SDK1: variants seen among roughly 807,000 people sequenced by gnomAD.
SDK1 encodes protein sidekick-1.
A neutral mutation model predicts 245.5 loss-of-function variants in SDK1; 157 were observed. The ratio of observed to expected loss-of-function variants is 0.64; its 90% CI spans 0.56 to 0.73. The LOEUF is 0.73. Among genes scored for constraint, SDK1 ranks in the 30% least tolerant of loss-of-function variants. The pLI is 0.00. For synonymous variants in SDK1, 1,647 were observed against 1,278.5 expected, an observed-to-expected ratio of 1.29 and a Z score of -6.15; for missense variants, 3,583 against 3,002.3, an observed-to-expected ratio of 1.19 and a Z score of -4.52.
At chr7:3,567,279 T>G (rs909002345) in intron 1 of SDK1, among the ~76,000 whole-genome samples, 1 of 152,182 alleles carries the variant, frequency 6.6e-6, no homozygotes, top group African/African-American at 2.4e-5. Flanking sequence ...CTCAGCGGCT[T>G]CGTGGGTTGT....
chr7:4,235,601 A>G (rs13229094), intron 41 of SDK1, among the ~76,000 whole-genome samples: 43,743 of 152,158 alleles, frequency 0.29, 6,800 homozygotes, highest in African/African-American at 0.39. Flanking sequence ...CCTAATTCAG[A>G]GATCCAAGAT....
chr7:4,139,723 G>GTGTGTGTGTA (rs1779436145), intron 28 of SDK1, among the ~76,000 whole-genome samples: 1 of 135,296 alleles, frequency 7.4e-6, no homozygotes. Flanking sequence ...GTGTGTGTAT[G>GTGTGTGTGTA]TGTGTGTGTG....
intron 5 of SDK1, among the ~76,000 whole-genome samples, chr7:3,927,470 G>A (rs1393914631): frequency 1.5e-4 from 23 of 152,150 alleles, no homozygotes; most frequent in Admixed American, 1.5e-3. Flanking sequence ...CTGTAGTAAA[G>A]GGGAACTTGG....
At chr7:3,415,630 C>T (rs920121268) in intron 1 of SDK1, among the ~76,000 whole-genome samples, 3 of 151,636 alleles carry the variant, frequency 2.0e-5, no homozygotes, top group African/African-American at 7.3e-5. Flanking sequence ...ACCCACAAGT[C>T]CATGATAGTA....
chr7:4,226,405 G>A (rs1216188742), intron 40 of SDK1, among the ~76,000 whole-genome samples: 3 of 152,202 alleles, frequency 2.0e-5, no homozygotes, highest in Non-Finnish European at 4.4e-5. Context: ...TGCAGAGGGT[G>A]GCCAGCGGGC....
At chr7:3,805,984 T>G (rs1432284134) in intron 4 of SDK1, among the ~76,000 whole-genome samples, 1 of 152,044 alleles carries the variant, frequency 6.6e-6, no homozygotes, top group Non-Finnish European at 1.5e-5. Context: ...TCAGTGTGAA[T>G]TTTCAAGGTG....
chr7:3,856,778 C>T (rs1242509605), intron 5 of SDK1, among the ~76,000 whole-genome samples: 2 of 151,960 alleles, frequency 1.3e-5, no homozygotes, highest in Non-Finnish European at 2.9e-5. Context: ...GCAACAAGAG[C>T]GAAACTCCAC....
chr7:3,490,549 A>T (rs935328095), intron 1 of SDK1, among the ~76,000 whole-genome samples: 3 of 152,236 alleles, frequency 2.0e-5, no homozygotes, highest in African/African-American at 7.2e-5. Context: ...TTTTGTGTCA[A>T]GAACTTACCA....
intron 5 of SDK1, among the ~76,000 whole-genome samples, chr7:3,935,966 T>C (rs1201260837): frequency 2.0e-5 from 3 of 152,208 alleles, no homozygotes; most frequent in Non-Finnish European, 1.5e-5. Flanking sequence ...CTATTCATGC[T>C]AATTAGAAGG....
At chr7:3,814,972 A>C (rs961640011) in intron 4 of SDK1, among the ~76,000 whole-genome samples, 1 of 151,680 alleles carries the variant, frequency 6.6e-6, no homozygotes, top group African/African-American at 2.4e-5. Flanking sequence ...TTGTATCCTG[A>C]GACTTTGCTG....
At chr7:3,613,386 C>A (rs1395923951) in intron 1 of SDK1, among the ~76,000 whole-genome samples, 1 of 152,132 alleles carries the variant, frequency 6.6e-6, no homozygotes, top group East Asian at 1.9e-4. Context: ...TAAATGTTTA[C>A]TTAGGGAAGT....
chr7:3,401,233 G>C (rs140889112), intron 1 of SDK1, among the ~76,000 whole-genome samples: 30 of 152,252 alleles, frequency 2.0e-4, no homozygotes, highest in Non-Finnish European at 3.5e-4. Flanking sequence ...ATAATCACAT[G>C]ACAAGATTTG....
intron 1 of SDK1, among the ~76,000 whole-genome samples, chr7:3,551,047 C>T (rs942911224): frequency 2.6e-5 from 4 of 152,156 alleles, no homozygotes; most frequent in Non-Finnish European, 4.4e-5. Context: ...AAAGATTAAC[C>T]TATTTAAGGA....
At chr7:3,564,515 G>A (rs1779847150) in intron 1 of SDK1, among the ~76,000 whole-genome samples, 1 of 151,588 alleles carries the variant, frequency 6.6e-6, no homozygotes, top group African/African-American at 2.4e-5. Context: ...AAAAAATACA[G>A]GACAATGACA....
chr7:4,035,617 G>C (rs1397865596), intron 17 of SDK1, among the ~76,000 whole-genome samples: 1 of 152,188 alleles, frequency 6.6e-6, no homozygotes, highest in East Asian at 1.9e-4. Context: ...TTTCAGCCCA[G>C]TCTTAACTTT....
At chr7:3,303,322 T>G (rs1779331548) in intron 1 of SDK1, among the ~76,000 whole-genome samples, 2 of 149,654 alleles carry the variant, frequency 1.3e-5, no homozygotes, top group African/African-American at 2.6e-5. Context: ...ATAATGTGTT[T>G]ATTAAGTTTT....
At chr7:3,303,356 T>C (rs2128540632) in intron 1 of SDK1, among the ~76,000 whole-genome samples, 1 of 152,282 alleles carries the variant, frequency 6.6e-6, no homozygotes, top group Non-Finnish European at 1.5e-5. Context: ...GTGACTTGCA[T>C]TTTGCACTAA....
intron 4 of SDK1, among the ~76,000 whole-genome samples, chr7:3,659,165 C>A (rs558209637): frequency 6.6e-6 from 1 of 152,096 alleles, no homozygotes; most frequent in African/African-American, 2.4e-5. Context: ...AATATTTCAC[C>A]GGGTTCTTTT....
chr7:3,951,981 T>C, intron 7 of SDK1, 61 bp downstream of exon 7: 1 of 1,458,824 alleles, frequency 6.9e-7, no homozygotes, highest in Non-Finnish European at 9.4e-7. Flanking sequence ...ACACTGACTC[T>C]TCTGCAGAAA....
Sources: allele counts gnomAD v4.1 joint callset (sites outside exome capture counted in the v4.1 genomes callset), GRCh38; gene constraint gnomAD v4.1.1; transcripts MANE v1.5; gene names NCBI Gene and HGNC (gene_info 2026-07-23, HGNC 2026-07-21).